Variants in MACROD2 observed in about 807,000 individuals in gnomAD.
MACROD2 encodes the protein ADP-ribose glycohydrolase MACROD2.
MACROD2 carries 36 observed loss-of-function variants against 70.4 expected under a neutral mutation model. The ratio of observed to expected loss-of-function variants is 0.51; its 90% CI spans 0.39 to 0.68. MACROD2 has a LOEUF of 0.68. Ranked by LOEUF, MACROD2 falls within the 30% of genes least tolerant of loss-of-function variation. The pLI is 0.00. For missense variants in MACROD2, 496 were observed against 538.4 expected (o/e 0.92, Z 0.78); for synonymous variants, 172 against 178.8 (o/e 0.96, Z 0.30).
At chr20:14,298,821 A>G (rs1428484870) in intron 3 of MACROD2, among the ~76,000 whole-genome samples, 1 of 152,174 alleles carries the variant, frequency 6.6e-6, no homozygotes, top group Non-Finnish European at 1.5e-5. Flanking sequence ...CACTGAAGAT[A>G]TGGTGGAAAT....
At chr20:15,149,154 T>C (rs774462876) in intron 5 of MACROD2, among the ~76,000 whole-genome samples, 3 of 151,988 alleles carry the variant, frequency 2.0e-5, no homozygotes, top group Non-Finnish European at 4.4e-5. Context: ...GGCAAATCCT[T>C]GAGCTTGGTG....
chr20:14,862,250 AAT>A lies in MACROD2; in HGVS notation c.418+177299_418+177300del, dbSNP rs1178430886. 2.3e-4 allele frequency among the ~76,000 whole-genome samples: 8 copies of A among 35,414 alleles called. 1 individual carries two copies. The highest frequency in any genetic ancestry group is 4.2e-4 in the African/African-American group (4 of 9,526). The allele number at this position is 35,414 out of a possible 152,430, so 23.2% of individuals were successfully genotyped here. On this transcript the variant is annotated intron_variant, in intron 5 of 17. Coordinates refer to ENST00000684519, the MANE Select transcript of MACROD2 (RefSeq NM_001351661.2). ...ATATATAAATATATATTTATATATT[AAT>A]ATATATAAATATATTACTATGTATA...
chr20:15,271,016 T>C (rs1008324208), intron 6 of MACROD2, among the ~76,000 whole-genome samples: 2 of 152,216 alleles, frequency 1.3e-5, no homozygotes, highest in African/African-American at 2.4e-5. Context: ...TTTCTTCTTT[T>C]CAGTAAATTG....
intron 5 of MACROD2, among the ~76,000 whole-genome samples, chr20:14,904,017 T>C (rs77377967): frequency 7.4e-4 from 113 of 152,210 alleles, no homozygotes; most frequent in East Asian, 3.7e-3. Context: ...AGAAGGGAAA[T>C]AGAGATTTTA....
chr20:15,735,971 T>C (rs200123498), intron 8 of MACROD2, among the ~76,000 whole-genome samples: 2 of 149,012 alleles, frequency 1.3e-5, no homozygotes, highest in South Asian at 4.3e-4. Flanking sequence ...TCCTTAGGGA[T>C]ATATATACAT....
intron 6 of MACROD2, among the ~76,000 whole-genome samples, chr20:15,300,646 T>G (rs1007355555): frequency 3.3e-5 from 5 of 152,222 alleles, no homozygotes; most frequent in Non-Finnish European, 5.9e-5. Flanking sequence ...TTTGAAATTT[T>G]ATTAAATTCC....
At chr20:15,733,508 G>A (rs2050975323) in intron 8 of MACROD2, among the ~76,000 whole-genome samples, 1 of 152,006 alleles carries the variant, frequency 6.6e-6, no homozygotes, top group Non-Finnish European at 1.5e-5. Context: ...TTCCCTAAAA[G>A]CAGTTTTGTC....
intron 6 of MACROD2, among the ~76,000 whole-genome samples, chr20:15,393,617 T>C (rs2146297102): frequency 6.6e-6 from 1 of 152,356 alleles, no homozygotes; most frequent in Non-Finnish European, 1.5e-5. Flanking sequence ...TTATTCAATT[T>C]CATTTCAATG....
intron 10 of MACROD2, among the ~76,000 whole-genome samples, chr20:15,912,701 GAGGT>G (rs1289626124): frequency 6.6e-6 from 1 of 152,172 alleles, no homozygotes; most frequent in Admixed American, 6.5e-5. Flanking sequence ...GCCTTCAGTG[GAGGT>G]TATTGGATTG....
At chr20:14,798,500 T>A (rs1408881703) in intron 5 of MACROD2, among the ~76,000 whole-genome samples, 1 of 152,038 alleles carries the variant, frequency 6.6e-6, no homozygotes, top group African/African-American at 2.4e-5. Flanking sequence ...GTTATATAAT[T>A]GATCAGAGAG....
At chr20:15,964,016 T>C (rs1402281642) in intron 12 of MACROD2, among the ~76,000 whole-genome samples, 1 of 152,192 alleles carries the variant, frequency 6.6e-6, no homozygotes, top group African/African-American at 2.4e-5. Flanking sequence ...TAATTCCAGT[T>C]CTCTGTTATT....
chr20:15,478,364 G>A (rs2047049954), intron 7 of MACROD2, among the ~76,000 whole-genome samples: 1 of 152,150 alleles, frequency 6.6e-6, no homozygotes, highest in Non-Finnish European at 1.5e-5. Flanking sequence ...TCCCCTCTAG[G>A]GGCCAGAGAA....
At chr20:15,097,290 A>T (rs1462718777) in intron 5 of MACROD2, among the ~76,000 whole-genome samples, 1 of 152,112 alleles carries the variant, frequency 6.6e-6, no homozygotes, top group Admixed American at 6.5e-5. Context: ...TTGTTTCTGT[A>T]TGTCATGGAG....
chr20:14,754,319 C>A (rs2071912650), intron 5 of MACROD2, among the ~76,000 whole-genome samples: 1 of 152,078 alleles, frequency 6.6e-6, no homozygotes, highest in Admixed American at 6.6e-5. Flanking sequence ...ATGTCCTGAG[C>A]TTTTTCTAAT....
chr20:14,377,237 G>T (rs1029449219), intron 3 of MACROD2, among the ~76,000 whole-genome samples: 24 of 152,160 alleles, frequency 1.6e-4, no homozygotes, highest in African/African-American at 5.3e-4. Flanking sequence ...TACTCTTATT[G>T]CTAAGGCTCC....
intron 3 of MACROD2, among the ~76,000 whole-genome samples, chr20:14,088,088 T>A (rs1345334787): frequency 6.6e-6 from 1 of 152,100 alleles, no homozygotes; most frequent in African/African-American, 2.4e-5. Flanking sequence ...CCCAGCACTT[T>A]GGGAGGCCAA....
intron 2 of MACROD2, among the ~76,000 whole-genome samples, chr20:14,004,322 A>G (rs2052780543): frequency 6.6e-6 from 1 of 152,234 alleles, no homozygotes; most frequent in South Asian, 2.1e-4. Flanking sequence ...GCCTCCCAAT[A>G]TGAGCTTTAT....
chr20:15,186,648 G>A (rs1000905896), intron 5 of MACROD2, among the ~76,000 whole-genome samples: 1 of 152,214 alleles, frequency 6.6e-6, no homozygotes, highest in East Asian at 1.9e-4. Context: ...CAAAATCCTG[G>A]ACCCATGAAG....
intron 5 of MACROD2, among the ~76,000 whole-genome samples, chr20:14,759,676 ATT>A (rs975227174): frequency 2.0e-5 from 3 of 152,124 alleles, no homozygotes; most frequent in African/African-American, 7.2e-5. Context: ...AAGCACAAAA[ATT>A]ACCTTATTTT....
Sources: gnomAD v4.1 joint callset for allele counts (sites outside exome capture counted in the v4.1 genomes callset) on GRCh38, gnomAD v4.1.1 for gene constraint, MANE v1.5 for transcripts, NCBI Gene and HGNC (gene_info 2026-07-23, HGNC 2026-07-21) for gene names.